The following PRICKLE2 variants were observed in gnomAD, a reference collection of about 807,000 sequenced individuals.
The protein encoded by PRICKLE2 is prickle-like protein 2.
In PRICKLE2, 21 loss-of-function variants were observed where a neutral mutation model predicts 81.4. The ratio of observed to expected loss-of-function variants is 0.26; its 90% CI spans 0.18 to 0.37. PRICKLE2 has a LOEUF of 0.37. PRICKLE2 is among the 10% of genes least tolerant of loss of function. PRICKLE2 has a pLI of 1.00. For missense variants in PRICKLE2, 940 were observed against 1,109.0 expected (o/e 0.85, Z 2.16); for synonymous variants, 456 against 421.5 (o/e 1.08, Z -1.00).
intron 2 of PRICKLE2, among the ~76,000 whole-genome samples, chr3:64,238,264 G>A (rs1447700219): frequency 6.6e-6 from 1 of 152,098 alleles, no homozygotes; most frequent in Non-Finnish European, 1.5e-5. Context: ...AGGCAGGCAG[G>A]TACGAACGAG....
intron 2 of PRICKLE2, among the ~76,000 whole-genome samples, chr3:64,195,372 A>C (rs1333540271): frequency 1.3e-5 from 2 of 152,234 alleles, no homozygotes; most frequent in African/African-American, 2.4e-5. Flanking sequence ...ATTATATTCA[A>C]TTGAAGGCAT....
Position 64,098,568 on chromosome 3 carries a change from C to T in PRICKLE2, c.*483G>A, listed in dbSNP as rs926487350. On this transcript the variant is annotated 3_prime_UTR_variant, in exon 8 of 8. Transcript: ENST00000638394. ...GCATGCAAGTCCCCACTGAGTCCTA[C>T]GATATAGAAATTCCTTTGATATTAC... 7 of 171,318 alleles carry T rather than the reference C, an allele frequency of 4.1e-5. No individual in the cohort carries two copies. Among genetic ancestry groups the T allele is most frequent in the East Asian group, 1.5e-4 (1 of 6,498 alleles). 10.6% of individuals were successfully genotyped at this position (171,318 alleles called of 1,614,324 possible).
At chr3:64,199,311 A>G (rs1306448365) in intron 1 of PRICKLE2, 1 of 403,800 alleles carries the variant, frequency 2.5e-6, no homozygotes, top group African/African-American at 2.0e-5. Context: ...CATGACCACA[A>G]TTTCCTTGAC....
At chr3:64,234,742 G>T (rs2079156317) in intron 2 of PRICKLE2, among the ~76,000 whole-genome samples, 1 of 152,080 alleles carries the variant, frequency 6.6e-6, no homozygotes, top group Non-Finnish European at 1.5e-5. Flanking sequence ...GTCTCTGCCA[G>T]AACTACAAAG....
chr3:64,114,581 A>G (rs1200590429), intron 7 of PRICKLE2, among the ~76,000 whole-genome samples: 2 of 152,144 alleles, frequency 1.3e-5, no homozygotes, highest in East Asian at 1.9e-4. Context: ...CAACACAATC[A>G]CAAGTATTAA....
chr3:64,106,896 C>A (rs573229434), intron 7 of PRICKLE2, among the ~76,000 whole-genome samples: 10 of 152,330 alleles, frequency 6.6e-5, no homozygotes, highest in African/African-American at 2.4e-4. Context: ...TCTGGAGGAT[C>A]TGGCAGAAGA....
intron 7 of PRICKLE2, among the ~76,000 whole-genome samples, chr3:64,136,757 G>T (rs1172898595): frequency 6.6e-6 from 1 of 152,000 alleles, no homozygotes; most frequent in Admixed American, 6.6e-5. Flanking sequence ...CAGGTAGGAA[G>T]GTCAAGGTAG....
intron 2 of PRICKLE2, among the ~76,000 whole-genome samples, chr3:64,253,766 A>G (rs1575718320): frequency 7.0e-6 from 1 of 141,848 alleles, no homozygotes; most frequent in African/African-American, 3.1e-5. Context: ...ACTTCTTACC[A>G]CAGTTTATCA....
At chr3:64,105,761 C>T (rs1054209408) in intron 7 of PRICKLE2, 2 of 152,178 alleles carry the variant, frequency 1.3e-5, no homozygotes, top group Non-Finnish European at 2.9e-5. Flanking sequence ...TGTCACAGGT[C>T]ACACTCCAAC....
chr3:64,247,450 A>G (rs1289676482), intron 2 of PRICKLE2, among the ~76,000 whole-genome samples: 7 of 152,288 alleles, frequency 4.6e-5, no homozygotes, highest in Admixed American at 4.6e-4. Context: ...TTCTCAGGGG[A>G]TAAAGACATT....
intron 7 of PRICKLE2, among the ~76,000 whole-genome samples, chr3:64,113,746 G>T (rs1020954675): frequency 3.3e-5 from 5 of 151,802 alleles, no homozygotes; most frequent in East Asian, 1.9e-4. Context: ...TACTAATACT[G>T]CACAGAGAAC....
intron 7 of PRICKLE2, among the ~76,000 whole-genome samples, chr3:64,131,355 A>T (rs2077193834): frequency 6.6e-6 from 1 of 152,188 alleles, no homozygotes; most frequent in Non-Finnish European, 1.5e-5. Flanking sequence ...CTGTGGCAAC[A>T]CCCACCTGGG....
intron 2 of PRICKLE2, chr3:64,194,143 C>A (rs2078404074): frequency 1.3e-5 from 2 of 152,306 alleles, no homozygotes; most frequent in Admixed American, 6.5e-5. Flanking sequence ...AAAGCTGACC[C>A]TCCACAGCCA....
intron 7 of PRICKLE2, among the ~76,000 whole-genome samples, chr3:64,142,330 T>C (rs1355765149): frequency 2.7e-5 from 4 of 149,398 alleles, no homozygotes; most frequent in African/African-American, 7.5e-5. Flanking sequence ...TTTTTTTTTT[T>C]AGACAGAGTT....
Position 64,242,319 on chromosome 3 carries a change from C to G in PRICKLE2, c.129-43352G>C, listed in dbSNP as rs549829890. On this transcript the variant is annotated intron_variant, in intron 2 of 8. Coordinates refer to the PRICKLE2 transcript ENST00000295902. ...TTTAACTTACATTTCATGAACTAAG[C>G]GCAGCATATCCAACTGCACATTTTC... Among the ~76,000 whole-genome samples, 3 of 152,304 alleles carry G rather than the reference C, an allele frequency of 2.0e-5. No individual in the cohort carries two copies. The South Asian group carries it at 6.2e-4, about 32-fold the overall frequency.
At chr3:64,196,103 C>T (rs2078448188) in intron 2 of PRICKLE2, among the ~76,000 whole-genome samples, 1 of 152,190 alleles carries the variant, frequency 6.6e-6, no homozygotes, top group Non-Finnish European at 1.5e-5. Flanking sequence ...CCAAAAATAC[C>T]ATTAGCACTC....
intron 7 of PRICKLE2, chr3:64,102,186 A>G (rs538393437): frequency 6.6e-6 from 1 of 152,366 alleles, no homozygotes; most frequent in East Asian, 1.9e-4. Flanking sequence ...GCAATTACAT[A>G]TAATACCTGA....
chr3:64,128,904 G>T (rs78231604), intron 7 of PRICKLE2, among the ~76,000 whole-genome samples: 16,141 of 150,730 alleles, frequency 0.11, 1,067 homozygotes, highest in Middle Eastern at 0.28. Context: ...TTGGGGTTAT[G>T]GCAGGGATTT....
At chr3:64,192,221 C>A (rs2078356689) in intron 2 of PRICKLE2, among the ~76,000 whole-genome samples, 1 of 152,204 alleles carries the variant, frequency 6.6e-6, no homozygotes, top group African/African-American at 2.4e-5. Flanking sequence ...AGGACCCCTG[C>A]CGTTGGCCTA....
Sources: allele counts gnomAD v4.1 joint callset (sites outside exome capture counted in the v4.1 genomes callset), GRCh38; gene constraint gnomAD v4.1.1; transcripts MANE v1.5; gene names NCBI Gene and HGNC (gene_info 2026-07-23, HGNC 2026-07-21).